The following FGF12 variants were observed in gnomAD, a reference collection of about 807,000 sequenced individuals.
The protein encoded by FGF12 is fibroblast growth factor 12B.
A neutral mutation model predicts 23.6 loss-of-function variants in FGF12; 14 were observed. The observed-to-expected ratio is 0.59, with a 90% CI of 0.39 to 0.93. The LOEUF is 0.93. FGF12 is among the 40% of genes least tolerant of loss of function. FGF12 has a pLI of 0.00. For missense variants in FGF12, 175 were observed against 217.8 expected (o/e 0.80, Z 1.24); for synonymous variants, 62 against 77.3 (o/e 0.80, Z 1.04).
At chr3:192,640,538 A>G (rs1167829290) in intron 2 of FGF12, among the ~76,000 whole-genome samples, 3 of 152,222 alleles carry the variant, frequency 2.0e-5, no homozygotes, top group Non-Finnish European at 4.4e-5. Context: ...AAGAGGTCAT[A>G]GAATGGTACC....
chr3:192,484,704 G>A (rs139338650), intron 2 of FGF12, among the ~76,000 whole-genome samples: 430 of 152,256 alleles, frequency 2.8e-3, no homozygotes, highest in African/African-American at 9.6e-3. Flanking sequence ...CTCCCAGGCT[G>A]AATCGACAGG....
intron 4 of FGF12, among the ~76,000 whole-genome samples, chr3:192,225,772 C>T (rs542351605): frequency 2.4e-4 from 37 of 152,218 alleles, no homozygotes; most frequent in African/African-American, 7.2e-4. Flanking sequence ...GGAATATTTT[C>T]GGTCATAAAA....
intron 2 of FGF12, among the ~76,000 whole-genome samples, chr3:192,624,885 T>C (rs180852641): frequency 6.6e-6 from 1 of 152,260 alleles, no homozygotes; most frequent in Admixed American, 6.5e-5. Context: ...AGCCATTTTG[T>C]CATGTTTTAC....
intron 4 of FGF12, among the ~76,000 whole-genome samples, chr3:192,306,351 C>T (rs1284373746): frequency 6.6e-6 from 1 of 152,046 alleles, no homozygotes; most frequent in African/African-American, 2.4e-5. Context: ...CGTGCCTTAA[C>T]CCCCAGTTCA....
chr3:192,608,684 T>G (rs906093252), intron 2 of FGF12, among the ~76,000 whole-genome samples: 5 of 152,148 alleles, frequency 3.3e-5, no homozygotes, highest in Non-Finnish European at 7.4e-5. Flanking sequence ...TGCTTTTACA[T>G]CTAGAAGCAG....
At chr3:192,619,468 C>T (rs1473065869) in intron 2 of FGF12, among the ~76,000 whole-genome samples, 1 of 152,186 alleles carries the variant, frequency 6.6e-6, no homozygotes, top group African/African-American at 2.4e-5. Flanking sequence ...CCATCAGTCG[C>T]TCTAGCCAAG....
intron 2 of FGF12, among the ~76,000 whole-genome samples, chr3:192,638,102 GT>G (rs1319549736): frequency 3.3e-5 from 5 of 152,130 alleles, no homozygotes; most frequent in Non-Finnish European, 7.3e-5. Context: ...GTGTGTGTGT[GT>G]TTGTGTGTGT....
chr3:192,561,104 T>C (rs1277533690), intron 2 of FGF12, among the ~76,000 whole-genome samples: 1 of 151,884 alleles, frequency 6.6e-6, no homozygotes, highest in Non-Finnish European at 1.5e-5. Context: ...GGAAAATCTA[T>C]AAGGGAAAGG....
At chr3:192,439,912 G>C (rs1269783191) in intron 2 of FGF12, among the ~76,000 whole-genome samples, 1 of 151,422 alleles carries the variant, frequency 6.6e-6, no homozygotes, top group African/African-American at 2.4e-5. Context: ...GGAGGCAGAG[G>C]CTGCAGTGAG....
intron 2 of FGF12, among the ~76,000 whole-genome samples, chr3:192,601,378 C>G (rs1714108807): frequency 6.6e-6 from 1 of 152,022 alleles, no homozygotes; most frequent in African/African-American, 2.4e-5. Flanking sequence ...TTCCATACCA[C>G]TGTAGTGTGA....
At chr3:192,512,873 T>G in intron 2 of FGF12, among the ~76,000 whole-genome samples, 1 of 137,028 alleles carries the variant, frequency 7.3e-6, no homozygotes, top group Non-Finnish European at 1.6e-5. Flanking sequence ...AGGCTATGTC[T>G]ATCATTTCCA....
intron 2 of FGF12, among the ~76,000 whole-genome samples, chr3:192,447,117 T>C (rs1025295820): frequency 5.3e-5 from 8 of 152,176 alleles, no homozygotes; most frequent in African/African-American, 1.9e-4. Flanking sequence ...TCTTCCCCAG[T>C]AGAGGAAATA....
At chr3:192,297,851 T>C (rs1409784297) in intron 4 of FGF12, among the ~76,000 whole-genome samples, 2 of 152,218 alleles carry the variant, frequency 1.3e-5, no homozygotes, top group African/African-American at 2.4e-5. Flanking sequence ...GTTGAACCCA[T>C]AGGTTTCTTT....
intron 2 of FGF12, among the ~76,000 whole-genome samples, chr3:192,463,241 A>G (rs1480331197): frequency 1.3e-5 from 2 of 152,104 alleles, no homozygotes; most frequent in Non-Finnish European, 2.9e-5. Flanking sequence ...CAACGTGGCA[A>G]AACCCCATTT....
chr3:192,175,756 C>A (rs1380015095), intron 4 of FGF12, among the ~76,000 whole-genome samples: 1 of 152,102 alleles, frequency 6.6e-6, no homozygotes, highest in Admixed American at 6.6e-5. Context: ...CTACGTAAGC[C>A]CAACATGATC....
chr3:192,681,614 G>A (rs1230963125), intron 2 of FGF12, among the ~76,000 whole-genome samples: 1 of 152,146 alleles, frequency 6.6e-6, no homozygotes, highest in Non-Finnish European at 1.5e-5. Flanking sequence ...TAAAGAAAGA[G>A]CATGAAAGAG....
intron 2 of FGF12, among the ~76,000 whole-genome samples, chr3:192,476,251 G>C (rs961788261): frequency 6.6e-6 from 1 of 152,096 alleles, no homozygotes; most frequent in Non-Finnish European, 1.5e-5. Flanking sequence ...TTACCTAAAT[G>C]ATTCTGCCCA....
chr3:192,477,208 A>C (rs1723350869), intron 2 of FGF12, among the ~76,000 whole-genome samples: 1 of 152,162 alleles, frequency 6.6e-6, no homozygotes, highest in Non-Finnish European at 1.5e-5. Flanking sequence ...ACAGGGAAGA[A>C]ACTAGAGGAA....
chr3:192,503,855 G>T (rs747043433), intron 2 of FGF12, among the ~76,000 whole-genome samples: 3 of 151,880 alleles, frequency 2.0e-5, no homozygotes, highest in African/African-American at 4.8e-5. Context: ...ATACCCAAAG[G>T]AATATAAATC....
Sources: gnomAD v4.1 joint callset for allele counts (sites outside exome capture counted in the v4.1 genomes callset) on GRCh38, gnomAD v4.1.1 for gene constraint, MANE v1.5 for transcripts, NCBI Gene and HGNC (gene_info 2026-07-23, HGNC 2026-07-21) for gene names.